Variants in ROBO1 observed in about 807,000 individuals in gnomAD.
The protein encoded by ROBO1 is roundabout guidance receptor 1, also known as roundabout homolog 1.
In ROBO1, 149 loss-of-function variants were observed where a neutral mutation model predicts 195.9. That is an observed-to-expected ratio of 0.76 (90% CI 0.67 to 0.87). The LOEUF (loss-of-function observed/expected upper bound fraction) is 0.87, where lower values mean the gene tolerates loss of function less well. Among genes scored for constraint, ROBO1 ranks in the 40% least tolerant of loss-of-function variants. ROBO1 has a pLI of 0.00. For synonymous variants in ROBO1, 816 were observed against 733.2 expected (o/e 1.11, Z -1.82); for missense variants, 1,933 against 2,068.3 (o/e 0.93, Z 1.27).
At chr3:79,363,975 C>T (rs913032003) in intron 2 of ROBO1, among the ~76,000 whole-genome samples, 3 of 151,940 alleles carry the variant, frequency 2.0e-5, no homozygotes, top group East Asian at 3.9e-4. Context: ...GAGGCTGAGG[C>T]GGGTGGATCA....
chr3:78,936,469 C>T (rs962519750), intron 4 of ROBO1, among the ~76,000 whole-genome samples: 1 of 151,860 alleles, frequency 6.6e-6, no homozygotes, highest in South Asian at 2.1e-4. Context: ...TGCAGTTGGT[C>T]CTCTATATTC....
intron 4 of ROBO1, among the ~76,000 whole-genome samples, chr3:78,935,674 CAAATAG>C (rs2039766227): frequency 6.6e-6 from 1 of 151,876 alleles, no homozygotes; most frequent in Non-Finnish European, 1.5e-5. Context: ...TTGAATTAGA[CAAATAG>C]TGAGTTTTTA....
intron 4 of ROBO1, among the ~76,000 whole-genome samples, chr3:78,875,985 T>G (rs1334188806): frequency 6.6e-6 from 1 of 152,058 alleles, no homozygotes; most frequent in East Asian, 1.9e-4. Context: ...GCTTACTTAA[T>G]GAAGATTCAC....
At chr3:79,373,070 A>T (rs1451024151) in intron 2 of ROBO1, among the ~76,000 whole-genome samples, 1 of 152,088 alleles carries the variant, frequency 6.6e-6, no homozygotes, top group Non-Finnish European at 1.5e-5. Context: ...AAACGACCCA[A>T]TCTGTGGTAT....
intron 2 of ROBO1, among the ~76,000 whole-genome samples, chr3:79,435,047 A>C (rs1300006849): frequency 6.6e-6 from 1 of 152,024 alleles, no homozygotes; most frequent in Non-Finnish European, 1.5e-5. Flanking sequence ...GGAACATCAC[A>C]TACCAGGGCC....
intron 2 of ROBO1, among the ~76,000 whole-genome samples, chr3:79,508,346 A>G (rs9858332): frequency 0.73 from 111,725 of 152,012 alleles, 41,855 homozygotes; most frequent in African/African-American, 0.89. Flanking sequence ...CTATCTACAA[A>G]CCAAACAGTG....
chr3:78,859,807 G>A (rs1436287582), intron 4 of ROBO1, among the ~76,000 whole-genome samples: 1 of 152,174 alleles, frequency 6.6e-6, no homozygotes, highest in Admixed American at 6.5e-5. Context: ...GGGAGCCGGT[G>A]CAGGGGCTCG....
Position 78,598,744 on chromosome 3 carries a change from A to T in ROBO1, c.*169T>A. The T allele has an allele frequency of 4.3e-6, 2 of 460,028 alleles. No individual in the cohort carries two copies. The highest frequency in any genetic ancestry group is 6.5e-5 in the East Asian group (2 of 30,752). 28.5% of individuals were successfully genotyped at this position (460,028 alleles called of 1,614,324 possible). Reference sequence around the variant, plus strand: ...TAGGGTTAGGGATCAAACAACAACAATAAAAACCCAATAAAGTTTTTAAAA... The same window carrying T: ...TAGGGTTAGGGATCAAACAACAACATTAAAAACCCAATAAAGTTTTTAAAA... On this transcript the variant is annotated 3_prime_UTR_variant, in exon 31 of 31. Transcript: ENST00000464233.
chr3:78,714,054 T>C (rs903732942), intron 8 of ROBO1, among the ~76,000 whole-genome samples: 4 of 152,190 alleles, frequency 2.6e-5, no homozygotes, highest in African/African-American at 7.2e-5. Flanking sequence ...AAGACAGCAA[T>C]AGCTGTCATT....
At chr3:78,809,335 A>C (rs1346281925) in intron 4 of ROBO1, among the ~76,000 whole-genome samples, 1 of 152,174 alleles carries the variant, frequency 6.6e-6, no homozygotes, top group South Asian at 2.1e-4. Context: ...AAATGTCAGG[A>C]AACAACAGAT....
In ROBO1 at chr3:79,275,793, C is replaced by T. The variant is rs187572603; in HGVS notation, c.89-150254G>A. Among the ~76,000 whole-genome samples the T allele has an allele frequency of 4.0e-4, 60 of 151,830 alleles. 1 individual carries two copies. The highest frequency in any genetic ancestry group is 6.3e-4 in the Non-Finnish European group (43 of 67,830). On this transcript the variant is annotated intron_variant, in intron 2 of 30. Coordinates refer to ENST00000464233, the MANE Select transcript of ROBO1 (RefSeq NM_002941.4). ...ACAAATTCAGTAAAATTGCAGGATA[C>T]GATATCAACATACAACAATCAGTTC...
intron 2 of ROBO1, among the ~76,000 whole-genome samples, chr3:79,355,634 T>G (rs201614534): frequency 4.6e-5 from 7 of 152,310 alleles, no homozygotes; most frequent in East Asian, 1.9e-4. Flanking sequence ...AACATTTAGA[T>G]TCCATATATT....
intron 1 of ROBO1, among the ~76,000 whole-genome samples, chr3:79,702,565 G>C (rs957773795): frequency 1.3e-5 from 2 of 151,752 alleles, no homozygotes; most frequent in Admixed American, 6.6e-5. Context: ...TTCAGGCATT[G>C]GTATTGATTA....
intron 2 of ROBO1, among the ~76,000 whole-genome samples, chr3:79,498,607 A>G (rs1479407578): frequency 6.6e-6 from 1 of 152,132 alleles, no homozygotes; most frequent in Admixed American, 6.5e-5. Context: ...TAATCCCAGC[A>G]CTTTGGGAGG....
chr3:78,664,574 C>T (rs991768969), intron 14 of ROBO1, among the ~76,000 whole-genome samples: 9 of 152,172 alleles, frequency 5.9e-5, no homozygotes, highest in African/African-American at 1.9e-4. Flanking sequence ...CATAACAAGG[C>T]TCTAACTCCA....
intron 2 of ROBO1, among the ~76,000 whole-genome samples, chr3:79,144,916 G>T (rs1463209910): frequency 6.6e-6 from 1 of 152,000 alleles, no homozygotes; most frequent in African/African-American, 2.4e-5. Context: ...GCAGAATAAA[G>T]TGTGTTTTGG....
intron 2 of ROBO1, among the ~76,000 whole-genome samples, chr3:79,294,764 AC>A (rs1559797485): frequency 6.6e-6 from 1 of 152,178 alleles, no homozygotes; most frequent in Non-Finnish European, 1.5e-5. Flanking sequence ...AAAAAAACAA[AC>A]AACCCCTTCA....
chr3:78,715,032 G>A (rs1003909204), intron 7 of ROBO1: 1 of 152,250 alleles, frequency 6.6e-6, no homozygotes, highest in Non-Finnish European at 1.5e-5. Context: ...GAGTTTACTT[G>A]TCTTGCCTCA....
At chr3:79,471,682 T>C (rs1938279567) in intron 2 of ROBO1, among the ~76,000 whole-genome samples, 1 of 152,022 alleles carries the variant, frequency 6.6e-6, no homozygotes, top group South Asian at 2.1e-4. Context: ...TTTGTCACGC[T>C]TAAAAATATC....
Sources: allele counts gnomAD v4.1 joint callset (sites outside exome capture counted in the v4.1 genomes callset), GRCh38; gene constraint gnomAD v4.1.1; transcripts MANE v1.5; gene names NCBI Gene and HGNC (gene_info 2026-07-23, HGNC 2026-07-21).